FRMD4B: variants seen among roughly 807,000 people sequenced by gnomAD.
FRMD4B encodes the protein FERM domain containing 4B.
FRMD4B carries 74 observed loss-of-function variants against 141.5 expected under a neutral mutation model. The ratio of observed to expected loss-of-function variants is 0.52; its 90% CI spans 0.43 to 0.63. The LOEUF (loss-of-function observed/expected upper bound fraction) is 0.63, where lower values mean the gene tolerates loss of function less well. Among genes scored for constraint, FRMD4B ranks in the 30% least tolerant of loss-of-function variants. The pLI is 0.00. For synonymous variants in FRMD4B, 506 were observed against 467.9 expected (o/e 1.08, Z -1.05); for missense variants, 1,366 against 1,253.4 (o/e 1.09, Z -1.36).
At chr3:69,446,227 C>T (rs1481235023) in intron 1 of FRMD4B, among the ~76,000 whole-genome samples, 1 of 151,904 alleles carries the variant, frequency 6.6e-6, no homozygotes, top group African/African-American at 2.4e-5. Context: ...GAGGTTTCCT[C>T]ATGTTGGTTA....
At chr3:69,509,955 A>G (rs891625999) in intron 1 of FRMD4B, among the ~76,000 whole-genome samples, 1 of 151,426 alleles carries the variant, frequency 6.6e-6, no homozygotes, top group Non-Finnish European at 1.5e-5. Flanking sequence ...TCTACTATGG[A>G]GTATAAACAG....
intron 1 of FRMD4B, among the ~76,000 whole-genome samples, chr3:69,326,209 G>A (rs1256071306): frequency 6.7e-6 from 1 of 148,894 alleles, no homozygotes; most frequent in Non-Finnish European, 1.5e-5. Context: ...CTCCCGCCTC[G>A]GCCTCCCATA....
chr3:69,338,379 C>T (rs111268968), intron 1 of FRMD4B, among the ~76,000 whole-genome samples: 3,957 of 152,144 alleles, frequency 0.026, 192 homozygotes, highest in African/African-American at 0.091. Context: ...ATGGGTGCAG[C>T]ACACCAACAT....
intron 2 of FRMD4B, among the ~76,000 whole-genome samples, chr3:69,424,624 G>A (rs1046612572): frequency 2.6e-5 from 4 of 152,146 alleles, no homozygotes; most frequent in Non-Finnish European, 4.4e-5. Flanking sequence ...TTCACTGATA[G>A]TCGGAAATAA....
intron 1 of FRMD4B, among the ~76,000 whole-genome samples, chr3:69,368,290 A>C (rs1387519129): frequency 6.6e-6 from 1 of 152,176 alleles, no homozygotes; most frequent in Admixed American, 6.5e-5. Context: ...TGGAACTCAT[A>C]CCACCTGACT....
intron 1 of FRMD4B, among the ~76,000 whole-genome samples, chr3:69,515,369 A>T: frequency 6.6e-6 from 1 of 152,190 alleles, no homozygotes; most frequent in Non-Finnish European, 1.5e-5. Flanking sequence ...CACCAGACTA[A>T]AGGAATGAGA....
At chr3:69,342,832 T>C (rs140266002) in intron 1 of FRMD4B, among the ~76,000 whole-genome samples, 6 of 152,292 alleles carry the variant, frequency 3.9e-5, no homozygotes, top group African/African-American at 1.4e-4. Context: ...TATAGTGCTA[T>C]ACAACACTAG....
intron 1 of FRMD4B, among the ~76,000 whole-genome samples, chr3:69,346,027 C>A (rs1405108610): frequency 1.3e-5 from 2 of 152,052 alleles, no homozygotes; most frequent in African/African-American, 4.8e-5. Context: ...GATGACCAAA[C>A]TTCTCCAAGC....
At chr3:69,342,733 T>C (rs561884024) in intron 1 of FRMD4B, among the ~76,000 whole-genome samples, 56 of 152,308 alleles carry the variant, frequency 3.7e-4, no homozygotes, top group Non-Finnish European at 4.3e-4. Context: ...AGTATATCCA[T>C]CATTTCAAAC....
intron 5 of FRMD4B, among the ~76,000 whole-genome samples, chr3:69,275,558 C>T (rs1271580237): frequency 6.6e-6 from 1 of 151,544 alleles, no homozygotes; most frequent in African/African-American, 2.4e-5. Context: ...TCCTGCCTTG[C>T]CATTCCAAGT....
intron 22 of FRMD4B, among the ~76,000 whole-genome samples, chr3:69,174,242 AG>A (rs2092620143): frequency 6.6e-6 from 1 of 152,214 alleles, no homozygotes; most frequent in African/African-American, 2.4e-5. Flanking sequence ...TGCTACGTAA[AG>A]TAGGGTATAT....
At chr3:69,412,507 G>T (rs1288797893) in intron 2 of FRMD4B, among the ~76,000 whole-genome samples, 1 of 152,188 alleles carries the variant, frequency 6.6e-6, no homozygotes, top group Admixed American at 6.5e-5. Flanking sequence ...TGGAATATGG[G>T]CTGCTTCAAG....
At chr3:69,224,770 T>C in intron 7 of FRMD4B, 80 bp from the exon 8 acceptor site, 1 of 726,942 alleles carries the variant, frequency 1.4e-6, no homozygotes, top group Non-Finnish European at 2.5e-6. Context: ...TGAATTAGAT[T>C]AAAAAAATAA....
intron 1 of FRMD4B, among the ~76,000 whole-genome samples, chr3:69,335,718 C>T (rs571240310): frequency 5.3e-5 from 8 of 149,902 alleles, no homozygotes; most frequent in African/African-American, 1.7e-4. Flanking sequence ...ATCTTATCTG[C>T]TGGGCAGGAC....
At chr3:69,531,347 T>C (rs1701006228) in intron 1 of FRMD4B, among the ~76,000 whole-genome samples, 1 of 151,946 alleles carries the variant, frequency 6.6e-6, no homozygotes. Flanking sequence ...ATCTTTATCA[T>C]GATAACCCCA....
chr3:69,438,166 C>T (rs770503533), intron 1 of FRMD4B, among the ~76,000 whole-genome samples: 6 of 150,854 alleles, frequency 4.0e-5, no homozygotes, highest in South Asian at 2.1e-4. Flanking sequence ...TGTAGTGGTG[C>T]GATTGTGGCT....
At chr3:69,460,279 A>G (rs1483254179) in intron 1 of FRMD4B, among the ~76,000 whole-genome samples, 1 of 152,228 alleles carries the variant, frequency 6.6e-6, no homozygotes, top group Non-Finnish European at 1.5e-5. Flanking sequence ...GTTGTTGGCC[A>G]GAGAACCGAC....
intron 2 of FRMD4B, among the ~76,000 whole-genome samples, chr3:69,402,732 T>C (rs947798281): frequency 4.6e-5 from 7 of 152,194 alleles, no homozygotes; most frequent in Non-Finnish European, 1.0e-4. Context: ...ACCCAGATTA[T>C]AGACAGTATG....
At chr3:69,529,249 C>A (rs1234412553) in intron 1 of FRMD4B, among the ~76,000 whole-genome samples, 9 of 152,130 alleles carry the variant, frequency 5.9e-5, no homozygotes, top group Admixed American at 5.9e-4. Context: ...AACCAAGGAT[C>A]CAGATTGTTT....
Sources: allele counts gnomAD v4.1 joint callset (sites outside exome capture counted in the v4.1 genomes callset), GRCh38; gene constraint gnomAD v4.1.1; transcripts MANE v1.5; gene names NCBI Gene and HGNC (gene_info 2026-07-23, HGNC 2026-07-21).